PCSK4: variants seen among roughly 807,000 people sequenced by gnomAD.
The protein encoded by PCSK4 is testicular tissue protein Li 135.
A neutral mutation model predicts 80.3 loss-of-function variants in PCSK4; 64 were observed. That is an observed-to-expected ratio of 0.80 (90% confidence interval 0.65 to 0.98). PCSK4 has a LOEUF of 0.98. Ranked by LOEUF, PCSK4 falls within the 50% of genes least tolerant of loss-of-function variation. The pLI is 0.00. For missense variants in PCSK4, 1,213 were observed against 1,093.6 expected (o/e 1.11, Z -1.54); for synonymous variants, 561 against 487.6 (o/e 1.15, Z -1.98).
chr19:1,482,596 C>G (rs1426604620), intron 13 of PCSK4, 121 bp from the exon 14 acceptor site: 19 of 1,254,912 alleles, frequency 1.5e-5, no homozygotes, highest in Non-Finnish European at 2.0e-5. Context: ...GTTCACATCT[C>G]TCAGGGAATT....
chr19:1,482,236 G>A (rs1001874630), intron 14 of PCSK4, 29 bp from the exon 15 acceptor site: 28 of 1,523,410 alleles, frequency 1.8e-5, no homozygotes, highest in African/African-American at 1.2e-4. Context: ...GCAAAGGCCC[G>A]TCAGCTTGCC....
At chr19:1,490,305 C>T (rs777506259) in exon 1 of PCSK4, 38 of 1,517,948 alleles carry the variant, frequency 2.5e-5, no homozygotes, top group Non-Finnish European at 3.3e-5. Context: ...GGGCCAGGGC[C>T]AAGACCAGGC....
chr19:1,482,036 G>C (rs559145373), exon 15 of PCSK4: 3 of 1,566,346 alleles, frequency 1.9e-6, no homozygotes, highest in Admixed American at 3.8e-5. Context: ...GCAGTCCCTC[G>C]GGGAGCCGCC....
At position 1,486,472 on chromosome 19, in the gene PCSK4, A is replaced by G. The variant is rs930142893; in HGVS notation, c.1068+381T>C. Among the ~76,000 whole-genome samples the G allele has an allele frequency of 3.3e-5, 5 of 149,446 alleles. No individual in the cohort carries two copies. In the Admixed American group the frequency reaches 3.4e-4, roughly 10 times the overall value. ...CCACCACGCCCGGCTAATTTTTTGT[A>G]TTTTTAGTAGAGACGGGGTTTCACT... On this transcript the variant is annotated intron_variant, in intron 8 of 14. Coordinates refer to ENST00000300954, the Ensembl canonical transcript of PCSK4.
Position 1,483,268 on chromosome 19 carries a change from T to C in PCSK4, c.1571+16A>G. The C allele has an allele frequency of 6.4e-7, 1 of 1,555,382 alleles. No homozygotes were observed. Among genetic ancestry groups the C allele is most frequent in the East Asian group, 2.3e-5 (1 of 43,138 alleles). On this transcript the variant is annotated intron_variant, in intron 12 of 14. Transcript: ENST00000300954. ...CAGGGCATGAGGCCGCCCCCTCTCC[T>C]CTGCGGGCCGCTCACCGTATGGCCA...
At chr19:1,489,922 ACCGAT>A in intron 1 of PCSK4, 25 bp from the exon 2 acceptor site, 1 of 1,581,732 alleles carries the variant, frequency 6.3e-7, no homozygotes, top group South Asian at 1.1e-5. Flanking sequence ...AAGCGGCCGC[ACCGAT>A]GGGACCCGGC....
chr19:1,481,727 CG>C (rs1568199326), exon 15 of PCSK4: 1 of 1,439,340 alleles, frequency 6.9e-7, no homozygotes, highest in Non-Finnish European at 9.3e-7. Context: ...GGGACCCAGG[CG>C]GGGGCAAGGT....
At chr19:1,481,861 G>T (rs536007078) in exon 15 of PCSK4, 4 of 1,583,596 alleles carry the variant, frequency 2.5e-6, no homozygotes, top group East Asian at 2.3e-5. Flanking sequence ...CGCAGAGGAC[G>T]GGGCCTCCGA....
At chr19:1,487,406 C>T (rs1680636174) in intron 6 of PCSK4, 93 bp from the exon 7 acceptor site, 3 of 1,126,328 alleles carry the variant, frequency 2.7e-6, no homozygotes, top group Middle Eastern at 5.8e-4. Flanking sequence ...CTCCCCAGCC[C>T]TACCTGGGCC....
chr19:1,486,732 TG>T, intron 8 of PCSK4, 120 bp downstream of exon 8: 2 of 846,482 alleles, frequency 2.4e-6, no homozygotes, highest in Non-Finnish European at 3.7e-6. Context: ...GTGCTCGGCC[TG>T]GATTTGCATT....
exon 1 of PCSK4, chr19:1,490,379 C>A: frequency 1.2e-6 from 1 of 805,712 alleles, no homozygotes; most frequent in East Asian, 3.1e-5. Context: ...CTGCGCAAAT[C>A]CCCTCCCTCC....
At chr19:1,481,931 G>A in exon 15 of PCSK4, 5 of 1,596,858 alleles carry the variant, frequency 3.1e-6, no homozygotes, top group Non-Finnish European at 4.3e-6. Context: ...GTGGGGACAG[G>A]CGGCAGCTCT....
intron 6 of PCSK4, 96 bp from the exon 7 acceptor site, chr19:1,487,409 C>A: frequency 9.1e-7 from 1 of 1,100,162 alleles, no homozygotes; most frequent in Non-Finnish European, 1.3e-6. Flanking sequence ...CCCAGCCCTA[C>A]CTGGGCCCTC....
chr19:1,487,155 G>A (rs764178665), exon 7 of PCSK4: 10 of 1,605,732 alleles, frequency 6.2e-6, no homozygotes, highest in Admixed American at 1.7e-5. Context: ...GTCACACCAC[G>A]CCGGAAGGCC....
chr19:1,489,056 G>A (rs1302519593), intron 2 of PCSK4, among the ~76,000 whole-genome samples: 1 of 151,818 alleles, frequency 6.6e-6, no homozygotes, highest in Non-Finnish European at 1.5e-5. Flanking sequence ...GGCCCAGCCC[G>A]ATGGGACCCA....
chr19:1,487,517 T>C, intron 6 of PCSK4, 86 bp downstream of exon 6: 3 of 1,228,028 alleles, frequency 2.4e-6, no homozygotes, highest in Non-Finnish European at 2.3e-6. Context: ...GAGGGTGGGC[T>C]CCCGAGTCCT....
At chr19:1,487,405 C>T in intron 6 of PCSK4, 92 bp from the exon 7 acceptor site, 4 of 1,121,792 alleles carry the variant, frequency 3.6e-6, no homozygotes, top group Non-Finnish European at 5.0e-6. Context: ...ACTCCCCAGC[C>T]CTACCTGGGC....
chr19:1,486,192 G>A (rs1447615874), intron 8 of PCSK4, among the ~76,000 whole-genome samples: 1 of 151,302 alleles, frequency 6.6e-6, no homozygotes, highest in East Asian at 2.0e-4. Flanking sequence ...GGCTAGGCTG[G>A]TCCTGAACTC....
intron 2 of PCSK4, among the ~76,000 whole-genome samples, chr19:1,488,770 G>A (rs1293506868): frequency 6.6e-6 from 1 of 151,764 alleles, no homozygotes; most frequent in African/African-American, 2.4e-5. Flanking sequence ...TAGTAGAGAT[G>A]GGGTTTCGCC....
Sources: allele counts gnomAD v4.1 joint callset (sites outside exome capture counted in the v4.1 genomes callset), GRCh38; gene constraint gnomAD v4.1.1; transcripts MANE v1.5; gene names NCBI Gene and HGNC (gene_info 2026-07-23, HGNC 2026-07-21).